The following SGF29 variants were observed in gnomAD, a reference collection of about 807,000 sequenced individuals.
The protein encoded by SGF29 is SAGA complex associated factor 29, also known as SAGA-associated factor 29.
Under a neutral mutation model 38.1 loss-of-function variants are expected in SGF29, and 15 were observed. That is an observed-to-expected ratio of 0.39 (90% CI 0.26 to 0.61). SGF29 has a LOEUF of 0.61. Ranked by LOEUF, SGF29 falls within the 20% of genes least tolerant of loss-of-function variation. SGF29 has a pLI of 0.49. For missense variants in SGF29, 184 were observed against 394.6 expected (o/e 0.47, Z 4.52); for synonymous variants, 151 against 160.8 (o/e 0.94, Z 0.46).
At chr16:28,578,158 A>ATTGAG (rs2151649370) in intron 1 of SGF29, among the ~76,000 whole-genome samples, 2 of 151,442 alleles carry the variant, frequency 1.3e-5, no homozygotes, top group East Asian at 3.9e-4. Flanking sequence ...CCTGGCCACA[A>ATTGAG]TTGAGTTTTG....
At chr16:28,560,084 A>G (rs1336340314) in intron 1 of SGF29, among the ~76,000 whole-genome samples, 1 of 151,836 alleles carries the variant, frequency 6.6e-6, no homozygotes, top group Non-Finnish European at 1.5e-5. Flanking sequence ...TACTAAAAGT[A>G]CAAAAAAATT....
intron 3 of SGF29, 189 bp from the exon 4 acceptor site, chr16:28,585,459 A>T (rs2046951080): frequency 3.2e-6 from 2 of 622,878 alleles, no homozygotes; most frequent in Non-Finnish European, 5.8e-6. Flanking sequence ...TGGCATTTGT[A>T]CCATATGGAA....
chr16:28,568,598 G>A (rs1052309373), intron 1 of SGF29, among the ~76,000 whole-genome samples: 3 of 151,286 alleles, frequency 2.0e-5, no homozygotes, highest in Admixed American at 6.6e-5. Context: ...GGGGTGGTTG[G>A]GGGGGGCTCA....
intron 1 of SGF29, among the ~76,000 whole-genome samples, chr16:28,573,224 G>T (rs544776874): frequency 1.3e-5 from 2 of 152,268 alleles, no homozygotes; most frequent in Admixed American, 6.5e-5. Context: ...GAGGACCTGG[G>T]GGGGTGTAAG....
intron 1 of SGF29, among the ~76,000 whole-genome samples, chr16:28,573,559 C>G (rs889849407): frequency 1.2e-4 from 18 of 152,148 alleles, no homozygotes; most frequent in African/African-American, 4.3e-4. Flanking sequence ...GGTTTGGAAG[C>G]TCTTTTGTGT....
intron 1 of SGF29, among the ~76,000 whole-genome samples, chr16:28,576,654 C>G (rs954852384): frequency 6.7e-6 from 1 of 150,040 alleles, no homozygotes. Context: ...GAGCCGAGAT[C>G]ACACCACTGC....
chr16:28,581,201 G>A (rs2046923807), intron 2 of SGF29, 57 bp downstream of exon 2: 21 of 1,495,030 alleles, frequency 1.4e-5, no homozygotes, highest in Middle Eastern at 1.7e-4. Context: ...ATGCTGAGCC[G>A]TGAAGTGGGG....
chr16:28,578,697 A>C (rs1400915533), intron 1 of SGF29, among the ~76,000 whole-genome samples: 3 of 151,660 alleles, frequency 2.0e-5, no homozygotes, highest in African/African-American at 7.3e-5. Flanking sequence ...AAAAAAAAAA[A>C]AAAAAGAGGG....
chr16:28,566,395 C>G (rs764093331), intron 1 of SGF29, among the ~76,000 whole-genome samples: 1 of 152,068 alleles, frequency 6.6e-6, no homozygotes, highest in Non-Finnish European at 1.5e-5. Context: ...TGGTGCTAAG[C>G]TAGATCTTAA....
intron 1 of SGF29, among the ~76,000 whole-genome samples, chr16:28,558,289 T>G (rs1407396063): frequency 6.7e-6 from 1 of 149,238 alleles, no homozygotes; most frequent in Non-Finnish European, 1.5e-5. Context: ...TTTTTTTTTG[T>G]ATTTTTAGTA....
chr16:28,588,184 G>C (rs1016603147), intron 4 of SGF29, among the ~76,000 whole-genome samples: 5 of 152,146 alleles, frequency 3.3e-5, no homozygotes, highest in African/African-American at 9.7e-5. Flanking sequence ...GTTTGCTTCT[G>C]CTGGGTTCTT....
intron 9 of SGF29, 111 bp downstream of exon 9, chr16:28,591,046 A>G (rs1285181100): frequency 1.0e-5 from 14 of 1,337,262 alleles, no homozygotes; most frequent in African/African-American, 1.5e-5. Flanking sequence ...CACAGGCTCC[A>G]AGCTGACAGG....
At chr16:28,589,295 A>G in intron 5 of SGF29, 131 bp downstream of exon 5, 1 of 864,080 alleles carries the variant, frequency 1.2e-6, no homozygotes, top group Non-Finnish European at 1.9e-6. Flanking sequence ...GCTCTGGCAG[A>G]CTGGCTCTAC....
At chr16:28,586,159 G>A (rs2046955071) in intron 4 of SGF29, among the ~76,000 whole-genome samples, 1 of 152,112 alleles carries the variant, frequency 6.6e-6, no homozygotes, top group Non-Finnish European at 1.5e-5. Flanking sequence ...GTGGTGGCAT[G>A]TGTCTGTAAG....
intron 4 of SGF29, among the ~76,000 whole-genome samples, chr16:28,586,497 G>C (rs1596607826): frequency 6.7e-6 from 1 of 150,036 alleles, no homozygotes; most frequent in South Asian, 2.1e-4. Flanking sequence ...ACAGAGCAAG[G>C]CTCTGCCTCA....
chr16:28,573,212 G>A (rs575811003), intron 1 of SGF29, among the ~76,000 whole-genome samples: 123 of 152,222 alleles, frequency 8.1e-4, no homozygotes, highest in African/African-American at 2.9e-3. Flanking sequence ...GGAAGTGGGG[G>A]TGAGGACCTG....
At chr16:28,561,153 A>G (rs1310467465) in intron 1 of SGF29, among the ~76,000 whole-genome samples, 2 of 152,156 alleles carry the variant, frequency 1.3e-5, no homozygotes, top group Non-Finnish European at 2.9e-5. Flanking sequence ...ACAATTTGGG[A>G]GGCTGAGTCG....
At chr16:28,563,519 AG>A (rs2046802531) in intron 1 of SGF29, among the ~76,000 whole-genome samples, 2 of 152,128 alleles carry the variant, frequency 1.3e-5, no homozygotes, top group East Asian at 3.8e-4. Context: ...TGTCAGCAAA[AG>A]CTTTTATGAG....
chr16:28,572,355 C>T (rs1432814070), intron 1 of SGF29, among the ~76,000 whole-genome samples: 1 of 151,532 alleles, frequency 6.6e-6, no homozygotes, highest in Non-Finnish European at 1.5e-5. Context: ...CTGCAACATC[C>T]GCCTGCTGGG....
Sources: gnomAD v4.1 joint callset for allele counts (sites outside exome capture counted in the v4.1 genomes callset) on GRCh38, gnomAD v4.1.1 for gene constraint, MANE v1.5 for transcripts, NCBI Gene and HGNC (gene_info 2026-07-23, HGNC 2026-07-21) for gene names.